Variants in GREB1L observed in about 807,000 individuals in gnomAD.
GREB1L encodes GREB1-like protein.
A neutral mutation model predicts 200.8 loss-of-function variants in GREB1L; 17 were observed. The ratio of observed to expected loss-of-function variants is 0.08; its 90% CI spans 0.06 to 0.13. GREB1L has a LOEUF of 0.13. GREB1L is among the 10% of genes least tolerant of loss of function. The pLI is 1.00. For missense variants in GREB1L, 1,657 were observed against 2,367.7 expected (o/e 0.70, Z 6.23); for synonymous variants, 789 against 893.0 (o/e 0.88, Z 2.08).
At chr18:21,290,500 G>A (rs1395839935) in intron 1 of GREB1L, among the ~76,000 whole-genome samples, 4 of 152,066 alleles carry the variant, frequency 2.6e-5, no homozygotes, top group Non-Finnish European at 4.4e-5. Context: ...CATGATTTGG[G>A]TTTTTCCCCC....
At chr18:21,358,562 A>G (rs538712268) in intron 1 of GREB1L, among the ~76,000 whole-genome samples, 1 of 152,050 alleles carries the variant, frequency 6.6e-6, no homozygotes, top group Non-Finnish European at 1.5e-5. Flanking sequence ...TGATCCGCCC[A>G]CCTCGGCCTC....
At position 21,416,273 on chromosome 18, in the gene GREB1L, C is replaced by T. The variant is rs138150688; in HGVS notation, c.832+12279C>T. On this transcript the variant is annotated intron_variant, in intron 7 of 32. Transcript: ENST00000424526. ...AACTCAGAAACAAAAGAAAATGAAACGAACATCAGTGAGCTGTGGAACAAC... is the reference window on the plus strand; with the variant it reads ...AACTCAGAAACAAAAGAAAATGAAATGAACATCAGTGAGCTGTGGAACAAC... 1.2e-4 allele frequency among the ~76,000 whole-genome samples: 18 copies of T among 152,132 alleles called. 1 individual carries two copies. The East Asian group carries it at 2.9e-3, about 25-fold the overall frequency.
At chr18:21,487,448 T>C (rs1004813852) in intron 18 of GREB1L, among the ~76,000 whole-genome samples, 15 of 152,202 alleles carry the variant, frequency 9.9e-5, no homozygotes, top group Non-Finnish European at 1.9e-4. Flanking sequence ...ACATAGATTA[T>C]CTATACTTAT....
intron 1 of GREB1L, among the ~76,000 whole-genome samples, chr18:21,265,377 A>G (rs1398537566): frequency 6.6e-6 from 1 of 152,224 alleles, no homozygotes; most frequent in Non-Finnish European, 1.5e-5. Context: ...TTCCTTCCTG[A>G]ATGAAAAACC....
chr18:21,278,913 A>C (rs2038220726), intron 1 of GREB1L, among the ~76,000 whole-genome samples: 1 of 152,230 alleles, frequency 6.6e-6, no homozygotes, highest in African/African-American at 2.4e-5. Flanking sequence ...TAGTTACATT[A>C]GAATAGCAAT....
intron 1 of GREB1L, among the ~76,000 whole-genome samples, chr18:21,268,715 A>G (rs1214311864): frequency 1.3e-5 from 2 of 151,018 alleles, no homozygotes; most frequent in Admixed American, 6.6e-5. Context: ...CTCCCACTGC[A>G]GCCTCCTGAG....
At chr18:21,375,281 C>T (rs2143834236) in intron 2 of GREB1L, among the ~76,000 whole-genome samples, 1 of 152,008 alleles carries the variant, frequency 6.6e-6, no homozygotes, top group Non-Finnish European at 1.5e-5. Flanking sequence ...CCAGGCTGGT[C>T]TCGAACTTCT....
At chr18:21,478,801 G>A (rs2035807663) in intron 17 of GREB1L, among the ~76,000 whole-genome samples, 1 of 152,228 alleles carries the variant, frequency 6.6e-6, no homozygotes, top group Admixed American at 6.5e-5. Context: ...AGGGGAGCCT[G>A]TGGGCTACCC....
intron 12 of GREB1L, 143 bp from the exon 13 acceptor site, chr18:21,450,880 T>A: frequency 1.5e-6 from 1 of 664,868 alleles, no homozygotes. Flanking sequence ...TAATTGTCCA[T>A]ACCTTTTGAT....
At chr18:21,460,850 A>G (rs1028729113) in intron 15 of GREB1L, among the ~76,000 whole-genome samples, 1 of 151,342 alleles carries the variant, frequency 6.6e-6, no homozygotes, top group African/African-American at 2.4e-5. Flanking sequence ...TAATCCCAGC[A>G]CTTTGGGAGA....
chr18:21,503,269 T>G (rs896216299), intron 23 of GREB1L, among the ~76,000 whole-genome samples: 5 of 151,090 alleles, frequency 3.3e-5, no homozygotes, highest in Non-Finnish European at 1.5e-5. Flanking sequence ...TGCAGTGGTA[T>G]GATCTCGGCT....
intron 19 of GREB1L, among the ~76,000 whole-genome samples, chr18:21,493,105 GCTCA>G (rs1305055787): frequency 1.3e-5 from 2 of 152,136 alleles, no homozygotes; most frequent in African/African-American, 4.8e-5. Flanking sequence ...GTAGATTGCG[GCTCA>G]CTCATTTATT....
In GREB1L at chr18:21,520,671, T is replaced by C. The variant is rs1268906166; in HGVS notation, c.5473-17T>C. 1.9e-6 allele frequency: 3 copies of C among 1,551,478 alleles called. No individual in the cohort carries two copies. The highest frequency in any genetic ancestry group is 2.7e-5 in the African/African-American group (2 of 73,052). ...TGCTCTTGAAATGCCCATGCTATTT[T>C]TGCTTGATGATTTCAGGTGGCCATA... On this transcript the variant is annotated splice_polypyrimidine_tract_variant and intron_variant, in intron 31 of 32. Coordinates refer to ENST00000424526, the MANE Select transcript of GREB1L (RefSeq NM_001142966.3).
intron 17 of GREB1L, among the ~76,000 whole-genome samples, chr18:21,483,571 G>A (rs1334088631): frequency 2.0e-5 from 3 of 152,122 alleles, no homozygotes; most frequent in Admixed American, 2.0e-4. Context: ...CCTAAAAGCA[G>A]GGTTTTGGGG....
At chr18:21,481,428 A>T (rs776640803) in intron 17 of GREB1L, among the ~76,000 whole-genome samples, 1 of 142,158 alleles carries the variant, frequency 7.0e-6, no homozygotes, top group South Asian at 2.4e-4. Context: ...TTTGAGCAAC[A>T]GTATATATGT....
At chr18:21,357,638 T>G (rs190296034) in intron 1 of GREB1L, among the ~76,000 whole-genome samples, 10 of 152,312 alleles carry the variant, frequency 6.6e-5, no homozygotes, top group African/African-American at 2.4e-4. Context: ...CTATTTTGAG[T>G]TGATTTTTCT....
At chr18:21,358,132 G>C (rs2039531299) in intron 1 of GREB1L, among the ~76,000 whole-genome samples, 1 of 151,936 alleles carries the variant, frequency 6.6e-6, no homozygotes, top group Admixed American at 6.6e-5. Context: ...TTCAATTAAT[G>C]TTTTATAGTT....
At chr18:21,401,373 G>A (rs934550431) in intron 6 of GREB1L, 47 bp downstream of exon 6, 6 of 1,428,318 alleles carry the variant, frequency 4.2e-6, no homozygotes, top group African/African-American at 1.4e-5. Flanking sequence ...AGATTTTACG[G>A]TGGTGACAAG....
chr18:21,449,020 C>G (rs546082456), intron 11 of GREB1L, among the ~76,000 whole-genome samples: 10 of 152,188 alleles, frequency 6.6e-5, no homozygotes, highest in Non-Finnish European at 1.3e-4. Context: ...ATTTCCTGCA[C>G]AGTATTCTCA....
Sources: allele counts gnomAD v4.1 joint callset (sites outside exome capture counted in the v4.1 genomes callset), GRCh38; gene constraint gnomAD v4.1.1; transcripts MANE v1.5; gene names NCBI Gene and HGNC (gene_info 2026-07-23, HGNC 2026-07-21).